Variants in VAV3 observed in about 807,000 individuals in gnomAD.
The protein encoded by VAV3 is guanine nucleotide exchange factor VAV3.
In VAV3, 94 loss-of-function variants were observed where a neutral mutation model predicts 131.2. That is an observed-to-expected ratio of 0.72 (90% CI 0.61 to 0.85). VAV3 has a LOEUF of 0.85. VAV3 is among the 40% of genes least tolerant of loss of function. The pLI is 0.00. For missense variants in VAV3, 939 were observed against 1,002.7 expected (o/e 0.94, Z 0.86); for synonymous variants, 349 against 342.0 (o/e 1.02, Z -0.22).
At chr1:107,717,227 C>G (rs1299336837) in intron 15 of VAV3, among the ~76,000 whole-genome samples, 1 of 152,126 alleles carries the variant, frequency 6.6e-6, no homozygotes, top group Non-Finnish European at 1.5e-5. Flanking sequence ...TTTTGTGTGT[C>G]TCTATTTCCT....
At chr1:107,914,541 T>C (rs1354089988) in intron 1 of VAV3, among the ~76,000 whole-genome samples, 1 of 152,220 alleles carries the variant, frequency 6.6e-6, no homozygotes, top group Non-Finnish European at 1.5e-5. Flanking sequence ...CTAATGCCCA[T>C]GAAAGCAATC....
At chr1:107,953,184 G>A (rs1018311568) in intron 1 of VAV3, among the ~76,000 whole-genome samples, 6 of 152,098 alleles carry the variant, frequency 3.9e-5, no homozygotes, top group Non-Finnish European at 8.8e-5. Flanking sequence ...TCCTGTCTGT[G>A]TGACCTTGAG....
At chr1:107,760,954 G>T in intron 9 of VAV3, 75 bp from the exon 10 acceptor site, 3 of 931,386 alleles carry the variant, frequency 3.2e-6, no homozygotes, top group Non-Finnish European at 5.0e-6. Flanking sequence ...AGGCAGAACA[G>T]TTATTATACA....
At chr1:107,865,399 G>A (rs1293559763) in intron 2 of VAV3, among the ~76,000 whole-genome samples, 1 of 152,200 alleles carries the variant, frequency 6.6e-6, no homozygotes, top group Non-Finnish European at 1.5e-5. Flanking sequence ...GTGTGTGTAT[G>A]AGTGTAATGA....
Position 107,768,331 on chromosome 1 carries a change from A to C in VAV3, c.717+110T>G, listed in dbSNP as rs983168370. ...AGCAAAAAATAAATAAATAAGGCCA[A>C]TATTCTTAAATAATACAAAAGAGTA... On this transcript the variant is annotated intron_variant, in intron 7 of 26. Transcript: ENST00000370056. 5 of 758,280 alleles carry C rather than the reference A, an allele frequency of 6.6e-6. No individual in the cohort carries two copies. The African/African-American group carries it at 9.2e-5, about 14-fold the overall frequency. The allele number at this position is 758,280 out of a possible 1,614,324, so 47.0% of individuals were successfully genotyped here.
chr1:107,733,956 G>A (rs1662428089), intron 15 of VAV3, among the ~76,000 whole-genome samples: 1 of 152,212 alleles, frequency 6.6e-6, no homozygotes, highest in Non-Finnish European at 1.5e-5. Context: ...AAGGCAGCCA[G>A]AGAGAAAGGT....
At chr1:107,679,831 A>T (rs1658477847) in intron 19 of VAV3, among the ~76,000 whole-genome samples, 1 of 152,198 alleles carries the variant, frequency 6.6e-6, no homozygotes, top group Non-Finnish European at 1.5e-5. Context: ...GTCTGTTACA[A>T]GTGTTATTTT....
At chr1:107,878,098 T>A (rs1670592958) in intron 1 of VAV3, among the ~76,000 whole-genome samples, 1 of 152,176 alleles carries the variant, frequency 6.6e-6, no homozygotes, top group South Asian at 2.1e-4. Flanking sequence ...TCCATCTACA[T>A]GCAACAATTG....
At chr1:107,760,100 G>A (rs1010627326) in intron 10 of VAV3, among the ~76,000 whole-genome samples, 3 of 152,122 alleles carry the variant, frequency 2.0e-5, no homozygotes, top group Non-Finnish European at 2.9e-5. Flanking sequence ...AAGCACAGCC[G>A]ACGCAAAATT....
Position 107,682,097 on chromosome 1 carries a change from A to C in VAV3, c.1777+1391T>G, listed in dbSNP as rs1196808454. Among the ~76,000 whole-genome samples, 2 of 152,220 alleles carry C rather than the reference A, an allele frequency of 1.3e-5. 1 individual carries two copies. The highest frequency in any genetic ancestry group is 2.9e-5 in the Non-Finnish European group (2 of 68,048). On this transcript the variant is annotated intron_variant, in intron 19 of 26. Coordinates refer to ENST00000370056, the MANE Select transcript of VAV3 (RefSeq NM_006113.5). ...TACAAAGCCATCACCTTTAGGATAA[A>C]GGAGTATAAATCTGTTTTATTGTTG...
Position 107,931,643 on chromosome 1 carries a change from T to C in VAV3, c.204+33023A>G, listed in dbSNP as rs111817564. The stretch of plus-strand genomic sequence containing the variant: ...GATATTAAAACACGTGATTGAAATA[T>C]TGTCATAAAGAATTGTAGTCAAATT... On this transcript the variant is annotated intron_variant, in intron 1 of 26. Coordinates refer to ENST00000370056, the MANE Select transcript of VAV3 (RefSeq NM_006113.5). 2.3e-3 allele frequency among the ~76,000 whole-genome samples: 347 copies of C among 152,330 alleles called. 1 individual carries two copies. Among genetic ancestry groups the C allele is most frequent in the African/African-American group, 8.0e-3 (331 of 41,572 alleles).
intron 15 of VAV3, among the ~76,000 whole-genome samples, chr1:107,733,747 G>A (rs190644627): frequency 2.4e-3 from 361 of 152,272 alleles, no homozygotes; most frequent in East Asian, 8.3e-3. Context: ...TATGTGAAAA[G>A]ACCAAATCTA....
chr1:107,780,565 G>C (rs919142696), intron 2 of VAV3, among the ~76,000 whole-genome samples: 2 of 152,116 alleles, frequency 1.3e-5, no homozygotes, highest in Non-Finnish European at 2.9e-5. Context: ...GTGCAGGCTG[G>C]AGTACAGTGG....
chr1:107,677,764 T>C (rs1464323804), intron 19 of VAV3: 1 of 152,192 alleles, frequency 6.6e-6, no homozygotes, highest in Non-Finnish European at 1.5e-5. Flanking sequence ...ATATTACTGA[T>C]GTATATTTTC....
chr1:107,910,318 A>G (rs1163153990), intron 1 of VAV3, among the ~76,000 whole-genome samples: 2 of 152,256 alleles, frequency 1.3e-5, no homozygotes, highest in African/African-American at 4.8e-5. Flanking sequence ...ATACAGGAAC[A>G]TAAGTGATAA....
chr1:107,889,086 G>A (rs1289984718), intron 1 of VAV3, among the ~76,000 whole-genome samples: 1 of 151,260 alleles, frequency 6.6e-6, no homozygotes, highest in African/African-American at 2.4e-5. Context: ...TGATGGCAGA[G>A]CCAGGATTTG....
intron 1 of VAV3, among the ~76,000 whole-genome samples, chr1:107,885,091 G>C (rs920526128): frequency 6.6e-6 from 1 of 152,240 alleles, no homozygotes; most frequent in East Asian, 1.9e-4. Context: ...CCAAGGCAGA[G>C]GAGCTTCAGA....
At chr1:107,770,842 A>C in intron 5 of VAV3, 114 bp from the exon 6 acceptor site, 1 of 775,896 alleles carries the variant, frequency 1.3e-6, no homozygotes, top group Non-Finnish European at 2.0e-6. Flanking sequence ...CTAATACAAC[A>C]CATAATTGAA....
At chr1:107,904,543 G>A (rs929140229) in intron 1 of VAV3, among the ~76,000 whole-genome samples, 1 of 152,164 alleles carries the variant, frequency 6.6e-6, no homozygotes, top group African/African-American at 2.4e-5. Context: ...ACAGTCTTCA[G>A]ATAATATTTT....
Sources: gnomAD v4.1 joint callset for allele counts (sites outside exome capture counted in the v4.1 genomes callset) on GRCh38, gnomAD v4.1.1 for gene constraint, MANE v1.5 for transcripts, NCBI Gene and HGNC (gene_info 2026-07-23, HGNC 2026-07-21) for gene names.